Variants in TANC1 observed in about 807,000 individuals in gnomAD.
The protein encoded by TANC1 is protein TANC1.
TANC1 carries 77 observed loss-of-function variants against 149.7 expected under a neutral mutation model. The ratio of observed to expected loss-of-function variants is 0.51; its 90% CI spans 0.43 to 0.62. The LOEUF is 0.62. TANC1 is among the 20% of genes least tolerant of loss of function. TANC1 has a pLI of 0.00. For missense variants in TANC1, 1,985 were observed against 2,321.8 expected (o/e 0.85, Z 2.98); for synonymous variants, 854 against 925.0 (o/e 0.92, Z 1.39).
intron 7 of TANC1, among the ~76,000 whole-genome samples, chr2:159,151,599 T>C (rs2052817461): frequency 6.6e-6 from 1 of 152,226 alleles, no homozygotes; most frequent in African/African-American, 2.4e-5. Flanking sequence ...TTTAGTCACC[T>C]GCAGTTTATT....
At chr2:159,027,024 C>A (rs1228289958) in intron 2 of TANC1, 3 of 151,960 alleles carry the variant, frequency 2.0e-5, no homozygotes, top group African/African-American at 4.8e-5. Flanking sequence ...CTTTTTCACT[C>A]ATTTTTTTTT....
chr2:159,229,522 C>T, intron 26 of TANC1, 56 bp from the exon 27 acceptor site: 6 of 1,366,474 alleles, frequency 4.4e-6, no homozygotes, highest in Non-Finnish European at 6.1e-6. Context: ...TGAACAGTTA[C>T]ACTCTGAGCA....
intron 19 of TANC1, among the ~76,000 whole-genome samples, chr2:159,215,395 C>T (rs1301823595): frequency 1.3e-5 from 2 of 152,174 alleles, no homozygotes; most frequent in East Asian, 1.9e-4. Context: ...ACAGGTTTGC[C>T]GCCTTTTGTT....
chr2:159,029,260 G>T (rs1023580938), intron 2 of TANC1, among the ~76,000 whole-genome samples: 1 of 152,124 alleles, frequency 6.6e-6, no homozygotes, highest in Admixed American at 6.6e-5. Flanking sequence ...GAATATTTAG[G>T]ATGCTTCTAC....
chr2:159,005,025 T>C (rs2037015713), intron 2 of TANC1, among the ~76,000 whole-genome samples: 1 of 152,204 alleles, frequency 6.6e-6, no homozygotes, highest in South Asian at 2.1e-4. Flanking sequence ...TCTGGCTAGT[T>C]ATCTGCAGCA....
intron 5 of TANC1, among the ~76,000 whole-genome samples, chr2:159,139,958 C>T (rs564450755): frequency 1.2e-3 from 178 of 152,140 alleles, no homozygotes; most frequent in African/African-American, 4.0e-3. Flanking sequence ...TGTGGTGGCT[C>T]GCCCTTATAA....
At position 159,172,162 on chromosome 2, in the gene TANC1, T is replaced by C; in HGVS notation, c.1393T>C (p.Ser465Pro). The stretch of plus-strand genomic sequence containing the variant: ...GGATCTTCATTTCACTCCGTTGCTT[T>C]CACCGAGTTCTTCCACAAGTGCTTC... ...TQDLHFTPLL[S>P]PSSSTSASST... The change falls in exon 11 of 27, where the codon TCA becomes CCA. Residue 465 changes from serine to proline, a missense_variant. By Grantham distance (74) the Ser-to-Pro change is moderately conservative. Around this residue, in one of 3 missense-constraint regions of TANC1, gnomAD observed 557 missense variants for 612.9 expected, o/e 0.91. Coordinates refer to ENST00000263635, the MANE Select transcript of TANC1 (RefSeq NM_033394.3). 1 of 1,614,170 alleles carries C rather than the reference T, an allele frequency of 6.2e-7. No individual in the cohort carries two copies. Among genetic ancestry groups the C allele is most frequent in the Non-Finnish European group, 8.5e-7 (1 of 1,180,018 alleles).
intron 1 of TANC1, among the ~76,000 whole-genome samples, chr2:158,971,460 TAAAGA>T (rs1553506880): frequency 6.6e-6 from 1 of 152,160 alleles, no homozygotes; most frequent in Non-Finnish European, 1.5e-5. Flanking sequence ...AGAAGCAAAA[TAAAGA>T]AGAGTGTTTA....
chr2:159,101,908 G>T (rs2046751514), intron 4 of TANC1, among the ~76,000 whole-genome samples: 1 of 152,170 alleles, frequency 6.6e-6, no homozygotes, highest in Non-Finnish European at 1.5e-5. Context: ...CCTACTCCTT[G>T]TATGGAGACA....
intron 19 of TANC1, among the ~76,000 whole-genome samples, chr2:159,213,469 A>G (rs1476408531): frequency 4.6e-5 from 7 of 151,554 alleles, no homozygotes; most frequent in Non-Finnish European, 1.5e-5. Context: ...CATAAATACC[A>G]TTCTGCTAAT....
At chr2:159,190,629 G>A (rs1353450001) in intron 16 of TANC1, among the ~76,000 whole-genome samples, 1 of 152,114 alleles carries the variant, frequency 6.6e-6, no homozygotes, top group East Asian at 1.9e-4. Context: ...TTGGCTCACT[G>A]CAACCTCCGC....
chr2:159,167,770 T>A (rs184310578), intron 8 of TANC1, among the ~76,000 whole-genome samples: 2 of 152,108 alleles, frequency 1.3e-5, no homozygotes, highest in Non-Finnish European at 2.9e-5. Flanking sequence ...CCCAGGTGGC[T>A]GTTGAATGAA....
At chr2:159,000,175 G>C (rs1417863482) in intron 1 of TANC1, among the ~76,000 whole-genome samples, 1 of 152,160 alleles carries the variant, frequency 6.6e-6, no homozygotes, top group African/African-American at 2.4e-5. Context: ...GGTGAACCGG[G>C]TGGTGTGTGT....
At chr2:159,124,222 G>A (rs769268668) in intron 4 of TANC1, among the ~76,000 whole-genome samples, 1 of 152,140 alleles carries the variant, frequency 6.6e-6, no homozygotes, top group Non-Finnish European at 1.5e-5. Context: ...GCCGGGTGTG[G>A]TGGTGCCTGT....
chr2:159,217,531 G>A lies in TANC1; in HGVS notation c.3279G>A (p.Glu1093=). Reference sequence around the variant, plus strand: ...CCGCCGCAGGAAGAGGGAAGCTGGAGGTCTGTGAGCTGCTGCTGGGGCATG... The same window carrying A: ...CCGCCGCAGGAAGAGGGAAGCTGGAAGTCTGTGAGCTGCTGCTGGGGCATG... ...LTAAAGRGKL[E]VCELLLGHGA... Residue 1093 remains glutamate (E), a synonymous_variant, in exon 20 of 27, where the codon GAG becomes GAA. Coordinates refer to ENST00000263635, the MANE Select transcript of TANC1 (RefSeq NM_033394.3). The A allele has an allele frequency of 6.2e-7, 1 of 1,614,242 alleles. No homozygotes were observed. The highest frequency in any genetic ancestry group is 8.5e-7 in the Non-Finnish European group (1 of 1,180,042).
At chr2:159,221,138 G>A (rs959122269) in intron 22 of TANC1, among the ~76,000 whole-genome samples, 11 of 152,126 alleles carry the variant, frequency 7.2e-5, no homozygotes, top group African/African-American at 2.7e-4. Context: ...ATCACTTGAG[G>A]TCAGGAGTTC....
intron 2 of TANC1, among the ~76,000 whole-genome samples, chr2:159,043,513 A>G (rs755118609): frequency 1.3e-5 from 2 of 152,208 alleles, no homozygotes; most frequent in Non-Finnish European, 2.9e-5. Flanking sequence ...AACTTAAAGT[A>G]AATCATTATC....
intron 2 of TANC1, among the ~76,000 whole-genome samples, chr2:159,042,024 A>G (rs1272537285): frequency 6.6e-6 from 1 of 152,118 alleles, no homozygotes; most frequent in African/African-American, 2.4e-5. Flanking sequence ...GCTTGGCTCA[A>G]ATGAGATCTC....
At chr2:159,192,752 C>T (rs1323354334) in intron 16 of TANC1, among the ~76,000 whole-genome samples, 3 of 152,188 alleles carry the variant, frequency 2.0e-5, no homozygotes, top group African/African-American at 4.8e-5. Context: ...TGCGTTCAAG[C>T]GATTCTCCTG....
Sources: gnomAD v4.1 joint callset for allele counts (sites outside exome capture counted in the v4.1 genomes callset) on GRCh38, gnomAD v4.1.1 for gene constraint, gnomAD v4.1.1 regional missense constraint, MANE v1.5 for transcripts, NCBI Gene and HGNC (gene_info 2026-07-23, HGNC 2026-07-21) for gene names.